SLC7A14: variants seen among roughly 807,000 people sequenced by gnomAD.
SLC7A14 encodes the protein gamma-aminobutyric acid transporter SLC7A14.
A neutral mutation model predicts 60.2 loss-of-function variants in SLC7A14; 37 were observed. That is an observed-to-expected ratio of 0.61 (90% CI 0.47 to 0.81). The LOEUF is 0.81. Among genes scored for constraint, SLC7A14 ranks in the 30% least tolerant of loss-of-function variants. The pLI is 0.00. For synonymous variants in SLC7A14, 399 were observed against 395.8 expected (o/e 1.01, Z -0.10); for missense variants, 886 against 982.7 (o/e 0.90, Z 1.32).
intron 1 of SLC7A14, among the ~76,000 whole-genome samples, chr3:170,548,630 A>T (rs1312671382): frequency 6.6e-6 from 1 of 152,256 alleles, no homozygotes. Context: ...GCACAGATGC[A>T]GCTCCTCAGG....
chr3:170,485,447 C>T (rs1395870697), intron 5 of SLC7A14, among the ~76,000 whole-genome samples: 2 of 152,126 alleles, frequency 1.3e-5, no homozygotes, highest in South Asian at 4.1e-4. Context: ...CCCCTCAGGA[C>T]CTGAGAATGT....
chr3:170,532,699 C>T lies in SLC7A14; in HGVS notation c.-152-5611G>A, dbSNP rs1577542370. 6.6e-6 allele frequency among the ~76,000 whole-genome samples: 1 copy of T among 151,880 alleles called. No individual in the cohort carries two copies. The highest frequency in any genetic ancestry group is 2.4e-5 in the African/African-American group (1 of 41,454). On this transcript the variant is annotated intron_variant, in intron 1 of 7. Coordinates refer to ENST00000231706, the MANE Select transcript of SLC7A14 (RefSeq NM_020949.3). This position sits in a 1 kb window ranked among gnomAD's most constrained non-coding sequence, Gnocchi z 4.0. ...TTTTTTTTTTTGTTGTTGTTGTTCC[C>T]TGCTACTGACACCCTTCCCACCACC...
intron 3 of SLC7A14, among the ~76,000 whole-genome samples, chr3:170,499,185 C>T (rs1042073727): frequency 3.6e-5 from 5 of 137,774 alleles, no homozygotes; most frequent in East Asian, 4.1e-4. Flanking sequence ...TGCAGTGAGC[C>T]GAGATCACGC....
intron 2 of SLC7A14, among the ~76,000 whole-genome samples, chr3:170,514,376 G>T (rs932627235): frequency 1.3e-5 from 2 of 152,230 alleles, no homozygotes; most frequent in Non-Finnish European, 2.9e-5. Context: ...CTGTCGGCAG[G>T]TACCATGCCT....
intron 4 of SLC7A14, 91 bp downstream of exon 4, chr3:170,498,576 A>C: frequency 1.7e-6 from 2 of 1,166,946 alleles, no homozygotes; most frequent in Non-Finnish European, 2.5e-6. Flanking sequence ...ATGGAACAGA[A>C]CAGCATTTTC....
chr3:170,467,448 A>C (rs1577488582), intron 7 of SLC7A14, 71 bp from the exon 8 acceptor site: 3 of 848,570 alleles, frequency 3.5e-6, no homozygotes, highest in South Asian at 3.8e-5. Context: ...CAGAGAGATC[A>C]CCTTCAGTGA....
chr3:170,501,689 C>G (rs1216603643), intron 2 of SLC7A14, among the ~76,000 whole-genome samples: 1 of 152,190 alleles, frequency 6.6e-6, no homozygotes, highest in Non-Finnish European at 1.5e-5. Context: ...GACCCCCACC[C>G]TAGATGGCAC....
intron 2 of SLC7A14, among the ~76,000 whole-genome samples, chr3:170,517,946 A>G (rs1713219154): frequency 6.6e-6 from 1 of 152,224 alleles, no homozygotes; most frequent in Non-Finnish European, 1.5e-5. Flanking sequence ...ACTGATCACA[A>G]TTTATTAATT....
At chr3:170,541,832 A>G (rs1714025674) in intron 1 of SLC7A14, among the ~76,000 whole-genome samples, 1 of 152,192 alleles carries the variant, frequency 6.6e-6, no homozygotes, top group African/African-American at 2.4e-5. Flanking sequence ...TAATATTTTT[A>G]TCTTTTCTGT....
chr3:170,499,203 C>T (rs1712521645), intron 3 of SLC7A14, among the ~76,000 whole-genome samples: 1 of 125,112 alleles, frequency 8.0e-6, no homozygotes, highest in South Asian at 2.7e-4. Context: ...CGCCACTGCA[C>T]TCCAGCCTGG....
intron 1 of SLC7A14, among the ~76,000 whole-genome samples, chr3:170,551,264 T>C (rs1157045220): frequency 6.6e-6 from 1 of 152,262 alleles, no homozygotes; most frequent in African/African-American, 2.4e-5. Context: ...TCCCATTATA[T>C]GGCTATACCA....
chr3:170,567,446 G>A (rs1315519398), intron 1 of SLC7A14, among the ~76,000 whole-genome samples: 4 of 151,364 alleles, frequency 2.6e-5, no homozygotes, highest in African/African-American at 9.7e-5. Flanking sequence ...CTTTGCTATT[G>A]TGAATAGTGC....
chr3:170,538,593 C>A (rs139546943), intron 1 of SLC7A14, among the ~76,000 whole-genome samples: 1 of 152,206 alleles, frequency 6.6e-6, no homozygotes, highest in East Asian at 1.9e-4. Context: ...CTCCAACACA[C>A]CCAGCCTCAC....
At chr3:170,493,472 CTCCATTCCA>C (rs1178806486) in intron 4 of SLC7A14, among the ~76,000 whole-genome samples, 1 of 152,134 alleles carries the variant, frequency 6.6e-6, no homozygotes, top group African/African-American at 2.4e-5. Flanking sequence ...CAATGGTTTC[CTCCATTCCA>C]TCCTACCTAA....
chr3:170,510,721 C>T (rs1030265295), intron 2 of SLC7A14, among the ~76,000 whole-genome samples: 1 of 152,170 alleles, frequency 6.6e-6, no homozygotes, highest in Non-Finnish European at 1.5e-5. Context: ...CCAGATTGGT[C>T]CTTCTTCATT....
rs765607206 is a variant in SLC7A14 at position 170,467,083 on chromosome 3, T to C, written c.2288A>G (p.Asn763Ser). Residue 763 changes from asparagine to serine, a missense_variant, in exon 8 of 8, where the codon AAT becomes AGT. Physicochemically the swap from Asn to Ser is conservative, Grantham distance 46 (BLOSUM62 1). Transcript: ENST00000231706. ...HKQNSEALIA[N>S]DELDYSPE is the part of the protein sequence containing the mutation. Reference sequence around the variant, plus strand: ...CTCTGGAGAGTAATCTAACTCATCATTTGCAATCAGGGCCTCTGAGTTCTG... The same window carrying C: ...CTCTGGAGAGTAATCTAACTCATCACTTGCAATCAGGGCCTCTGAGTTCTG... 2 of 1,612,948 alleles carry C rather than the reference T, an allele frequency of 1.2e-6. No individual in the cohort carries two copies. Among genetic ancestry groups the C allele is most frequent in the Non-Finnish European group, 8.5e-7 (1 of 1,179,486 alleles).
Position 170,486,229 on chromosome 3 carries a change from T to G in SLC7A14, c.899A>C (p.Tyr300Ser). Residue 300 changes from tyrosine (Y) to serine (S), a missense_variant, in exon 5 of 8, where the codon TAT becomes TCT. Tyr to Ser is a moderately radical substitution (Grantham distance 144). Transcript: ENST00000231706. ...CAAGCATCTGGTACTTACAGACACA[T>G]ATGCTGTCAGGCAGATGACCAGGGA... ...TASLVICLTAYVSVSVILTLM... is the reference protein window; with the variant it reads ...TASLVICLTASVSVSVILTLM... The G allele has an allele frequency of 6.2e-7, 1 of 1,614,062 alleles. No homozygotes were observed. The highest frequency in any genetic ancestry group is 8.5e-7 in the Non-Finnish European group (1 of 1,179,994).
chr3:170,516,770 C>CATAA (rs1381720791), intron 2 of SLC7A14, among the ~76,000 whole-genome samples: 4 of 151,658 alleles, frequency 2.6e-5, no homozygotes, highest in South Asian at 4.2e-4. Flanking sequence ...CTATCTCAAA[C>CATAA]ATAAATAAAT....
At chr3:170,473,169 G>C (rs1030471944) in intron 7 of SLC7A14, among the ~76,000 whole-genome samples, 5 of 152,110 alleles carry the variant, frequency 3.3e-5, no homozygotes, top group African/African-American at 4.8e-5. Context: ...GCATCAGCAG[G>C]TGACATACCT....
Sources: gnomAD v4.1 joint callset for allele counts (sites outside exome capture counted in the v4.1 genomes callset) on GRCh38, gnomAD v4.1.1 for gene constraint, Gnocchi (gnomAD v3.1) non-coding constraint, MANE v1.5 for transcripts, NCBI Gene and HGNC (gene_info 2026-07-23, HGNC 2026-07-21) for gene names.